The following GCA variants were observed in gnomAD, a reference collection of about 807,000 sequenced individuals.
GCA encodes the protein grancalcin, EF-hand calcium-binding protein.
GCA carries 30 observed loss-of-function variants against 32.6 expected under a neutral mutation model. The ratio of observed to expected loss-of-function variants is 0.92; its 90% CI spans 0.69 to 1.25. The LOEUF is 1.25. Among genes scored for constraint, GCA ranks in the 50% most tolerant of loss-of-function variants. GCA has a pLI of 0.00. For synonymous variants in GCA, 102 were observed against 84.6 expected (o/e 1.21, Z -1.13); for missense variants, 291 against 266.8 (o/e 1.09, Z -0.63).
At chr2:162,367,240 G>A (rs576921518), downstream of GCA, among the ~76,000 whole-genome samples, 63 of 151,974 alleles carry the variant, frequency 4.1e-4, no homozygotes, top group Non-Finnish European at 7.1e-4. Context: ...CCACCGTTCC[G>A]CACAAGAGCT....
At chr2:162,337,384 G>C (rs1031111788) in intron 1 of GCA, among the ~76,000 whole-genome samples, 2 of 152,070 alleles carry the variant, frequency 1.3e-5, no homozygotes, top group East Asian at 3.8e-4. Flanking sequence ...GGTGGTAATG[G>C]GTCCTCAACA....
downstream of GCA, among the ~76,000 whole-genome samples, chr2:162,366,592 A>G (rs1685757099): frequency 6.6e-6 from 1 of 151,932 alleles, no homozygotes; most frequent in Non-Finnish European, 1.5e-5. Flanking sequence ...GGCACTGATC[A>G]ATCACAACAC....
At chr2:162,343,483 A>C (rs754189453), upstream of GCA, among the ~76,000 whole-genome samples, 1 of 152,096 alleles carries the variant, frequency 6.6e-6, no homozygotes, top group Non-Finnish European at 1.5e-5. Flanking sequence ...ACATACTTAC[A>C]CTAAAAAAGT....
chr2:162,358,971 CTT>C (rs1474271245), intron 5 of GCA, 71 bp from the exon 6 acceptor site: 3 of 672,996 alleles, frequency 4.5e-6, no homozygotes, highest in South Asian at 1.9e-5. Context: ...TATTTTATGA[CTT>C]AATGAGAAAG....
At chr2:162,326,603 G>T (rs913301374) in intron 1 of GCA, among the ~76,000 whole-genome samples, 1 of 151,918 alleles carries the variant, frequency 6.6e-6, no homozygotes, top group African/African-American at 2.4e-5. Context: ...TGTAGTCTCC[G>T]CCTCCTGGGT....
intron 2 of GCA, among the ~76,000 whole-genome samples, 155 bp downstream of exon 2, chr2:162,347,897 A>C (rs1465310803): frequency 6.6e-6 from 1 of 152,216 alleles, no homozygotes. Context: ...GAGCATAGTC[A>C]TAATTATTTC....
At chr2:162,366,135 T>C (rs543376563), downstream of GCA, among the ~76,000 whole-genome samples, 4 of 151,892 alleles carry the variant, frequency 2.6e-5, no homozygotes, top group East Asian at 7.7e-4. Context: ...AAACATAAAT[T>C]AATGGAAGTC....
chr2:162,362,604 AT>A lies in GCA; in HGVS notation c.*2368del, dbSNP rs1281160492. ...AACATGTTTCCATGTCATTTTGAGA[AT>A]TTTTTTAATAAACATTCAAATAGCT... On this transcript the variant is annotated 3_prime_UTR_variant, in exon 8 of 8. Transcript: ENST00000437150. The A allele has an allele frequency of 1.1e-5, 10 of 920,014 alleles. No homozygotes were observed. Among genetic ancestry groups the A allele is most frequent in the East Asian group, 1.2e-4 (1 of 8,520 alleles). The allele number at this position is 920,014 out of a possible 1,614,324, so 57.0% of individuals were successfully genotyped here.
downstream of GCA, among the ~76,000 whole-genome samples, chr2:162,363,598 T>C (rs147453548): frequency 7.3e-5 from 11 of 151,566 alleles, 1 homozygote; most frequent in African/African-American, 2.7e-4. Flanking sequence ...ACTTTTCCTG[T>C]AATTTAGAAT....
chr2:162,329,792 C>T (rs1379538938), intron 1 of GCA, among the ~76,000 whole-genome samples: 1 of 152,002 alleles, frequency 6.6e-6, no homozygotes, highest in African/African-American at 2.4e-5. Flanking sequence ...GATATTAAGC[C>T]TAGTACCCAT....
At chr2:162,338,771 C>T (rs1275536106) in intron 1 of GCA, among the ~76,000 whole-genome samples, 1 of 152,104 alleles carries the variant, frequency 6.6e-6, no homozygotes, top group Non-Finnish European at 1.5e-5. Context: ...TGTTGCTGTT[C>T]TTATTCAGCA....
upstream of GCA, among the ~76,000 whole-genome samples, chr2:162,341,421 A>AAAGAACT (rs1684446912): frequency 6.6e-6 from 1 of 151,620 alleles, no homozygotes; most frequent in East Asian, 1.9e-4. Context: ...CAGATAGGAA[A>AAAGAACT]AAGAACTGCA....
chr2:162,324,434 G>T (rs1284522407), intron 1 of GCA, among the ~76,000 whole-genome samples: 1 of 152,184 alleles, frequency 6.6e-6, no homozygotes, highest in Non-Finnish European at 1.5e-5. Context: ...ACTCTGCGAC[G>T]TTCTACTTCT....
intron 1 of GCA, among the ~76,000 whole-genome samples, chr2:162,338,258 A>G (rs1056449196): frequency 2.0e-5 from 3 of 152,204 alleles, no homozygotes; most frequent in African/African-American, 4.8e-5. Flanking sequence ...CTTATTTTAC[A>G]CATACACAAA....
Position 162,361,857 on chromosome 2 carries a change from A to G in GCA, c.*1614A>G. The G allele has an allele frequency of 1.0e-6, 1 of 983,852 alleles. No homozygotes were observed. Among genetic ancestry groups the G allele is most frequent in the Non-Finnish European group, 1.2e-6 (1 of 828,706 alleles). 60.9% of individuals were successfully genotyped at this position (983,852 alleles called of 1,614,324 possible). On this transcript the variant is annotated 3_prime_UTR_variant, in exon 8 of 8. Transcript: ENST00000437150. ...AAACACTAAGTGTCGTTCACATCGAATGGTGATAATGTCGCTCAGCAACCT... is the reference window on the plus strand; with the variant it reads ...AAACACTAAGTGTCGTTCACATCGAGTGGTGATAATGTCGCTCAGCAACCT...
At chr2:162,354,751 A>G (rs138118919) in intron 3 of GCA, among the ~76,000 whole-genome samples, 1 of 152,118 alleles carries the variant, frequency 6.6e-6, no homozygotes, top group Admixed American at 6.5e-5. Flanking sequence ...CAGCTCTTCA[A>G]CTTGCAAAAT....
At position 162,345,131 on chromosome 2, in the gene GCA, G is replaced by GGTGGTGGTGGTGGTGGTGGTGGTT. The variant is rs146219747; in HGVS notation, c.27+861_27+862insGGTGGTGGTGGTGGTGGTTGTGGT. Among the ~76,000 whole-genome samples, 55 of 144,206 alleles carry GGTGGTGGTGGTGGTGGTGGTGGTT rather than the reference G, an allele frequency of 3.8e-4. 1 individual carries two copies. Among genetic ancestry groups the GGTGGTGGTGGTGGTGGTGGTGGTT allele is most frequent in the South Asian group, 1.5e-3 (7 of 4,622 alleles). The allele number at this position is 144,206 out of a possible 152,430, so 94.6% of individuals were successfully genotyped here. A position where few individuals can be genotyped will look rare whatever the true frequency, so the allele number is the denominator to read the frequency against. The stretch of plus-strand genomic sequence containing the variant: ...TGGTGGTGGTGGTGGTGGTGGTGGT[G>GGTGGTGGTGGTGGTGGTGGTGGTT]GTGGTTGTGGTTGTGGTTGTTGTTG... On this transcript the variant is annotated intron_variant, in intron 1 of 7. Coordinates refer to ENST00000437150, the MANE Select transcript of GCA (RefSeq NM_012198.5).
At chr2:162,344,881 C>T (rs1684606037) in intron 1 of GCA, among the ~76,000 whole-genome samples, 2 of 133,860 alleles carry the variant, frequency 1.5e-5, no homozygotes, top group African/African-American at 5.7e-5. Context: ...CAGAAAGGAG[C>T]CCAAACCTTT....
chr2:162,325,952 G>A (rs778941607), intron 1 of GCA, among the ~76,000 whole-genome samples: 1 of 152,178 alleles, frequency 6.6e-6, no homozygotes, highest in Non-Finnish European at 1.5e-5. Flanking sequence ...TATTGGAGAG[G>A]CAAGAGTAAG....
Sources: gnomAD v4.1 joint callset for allele counts (sites outside exome capture counted in the v4.1 genomes callset) on GRCh38, gnomAD v4.1.1 for gene constraint, MANE v1.5 for transcripts, NCBI Gene and HGNC (gene_info 2026-07-23, HGNC 2026-07-21) for gene names.